The following PTPRG variants were observed in gnomAD, a reference collection of about 807,000 sequenced individuals.
The protein encoded by PTPRG is protein tyrosine phosphatase receptor type G, also known as receptor-type tyrosine-protein phosphatase gamma.
PTPRG carries 102 observed loss-of-function variants against 165.3 expected under a neutral mutation model. That is an observed-to-expected ratio of 0.62 (90% CI 0.53 to 0.73). The LOEUF is 0.73. PTPRG is among the 30% of genes least tolerant of loss of function. The probability of loss-of-function intolerance (pLI) is 0.00; values close to 1 mark genes in which losing one functional copy is unlikely to be tolerated. For synonymous variants in PTPRG, 675 were observed against 669.5 expected, an observed-to-expected ratio of 1.01 and a Z score of -0.13; for missense variants, 1,866 against 1,861.4, an observed-to-expected ratio of 1.00 and a Z score of -0.05.
chr3:62,128,908 A>C (rs957687757), intron 5 of PTPRG, among the ~76,000 whole-genome samples: 1 of 152,014 alleles, frequency 6.6e-6, no homozygotes, highest in Non-Finnish European at 1.5e-5. Flanking sequence ...GACTGGAACA[A>C]ATCCACTTAT....
At chr3:61,826,541 G>C (rs769599865) in intron 2 of PTPRG, among the ~76,000 whole-genome samples, 1 of 151,752 alleles carries the variant, frequency 6.6e-6, no homozygotes, top group Non-Finnish European at 1.5e-5. Flanking sequence ...AAAATCCGAT[G>C]TTTGTACTAT....
intron 6 of PTPRG, among the ~76,000 whole-genome samples, chr3:62,135,075 C>G (rs1459292194): frequency 1.3e-5 from 2 of 151,880 alleles, no homozygotes; most frequent in African/African-American, 4.8e-5. Flanking sequence ...GAGTTTGAGA[C>G]CAGCCTGGGC....
Position 61,673,155 on chromosome 3 carries a change from C to CT in PTPRG, c.86-75722dup, listed in dbSNP as rs61654321. 7.7e-3 allele frequency among the ~76,000 whole-genome samples: 1,178 copies of CT among 152,226 alleles called. 8 individuals carry two copies. Among genetic ancestry groups the CT allele is most frequent in the Admixed American group, 0.015 (232 of 15,290 alleles). On this transcript the variant is annotated intron_variant, in intron 1 of 29. Coordinates refer to ENST00000474889, the MANE Select transcript of PTPRG (RefSeq NM_002841.4). ...CCAGCCTAGGCAACAGAGCGATACT[C>CT]TGTCTCAAAATAAAATGGAAGAAAA...
intron 2 of PTPRG, among the ~76,000 whole-genome samples, chr3:61,813,821 T>G (rs1282282288): frequency 6.6e-6 from 1 of 151,936 alleles, no homozygotes; most frequent in Non-Finnish European, 1.5e-5. Flanking sequence ...TCCAAACATT[T>G]GTGTAGTGCT....
intron 4 of PTPRG, among the ~76,000 whole-genome samples, chr3:62,070,777 C>T (rs1701182547): frequency 1.3e-5 from 2 of 151,972 alleles, no homozygotes; most frequent in Admixed American, 6.6e-5. Flanking sequence ...GTTTACTTTG[C>T]CTTCACTTCA....
intron 1 of PTPRG, among the ~76,000 whole-genome samples, chr3:61,742,109 A>C (rs1164606582): frequency 6.6e-6 from 1 of 152,166 alleles, no homozygotes; most frequent in African/African-American, 2.4e-5. Flanking sequence ...TTAGACTGCA[A>C]ATTAACACAG....
chr3:62,041,263 T>C (rs1239484067), intron 4 of PTPRG, among the ~76,000 whole-genome samples: 1 of 152,206 alleles, frequency 6.6e-6, no homozygotes. Flanking sequence ...AGAGAAGGAT[T>C]GACTTGGAGA....
At chr3:62,025,635 G>GT (rs1216874317) in intron 4 of PTPRG, among the ~76,000 whole-genome samples, 1 of 152,016 alleles carries the variant, frequency 6.6e-6, no homozygotes, top group Non-Finnish European at 1.5e-5. Context: ...TTTTTCAAAT[G>GT]TTTTTTCCCT....
At chr3:62,109,945 C>T (rs1375821037) in intron 5 of PTPRG, among the ~76,000 whole-genome samples, 1 of 152,114 alleles carries the variant, frequency 6.6e-6, no homozygotes, top group Non-Finnish European at 1.5e-5. Flanking sequence ...CACCCTCTGG[C>T]AGTTTCTTTG....
At chr3:62,108,197 C>T (rs1319485312) in intron 5 of PTPRG, among the ~76,000 whole-genome samples, 1 of 151,766 alleles carries the variant, frequency 6.6e-6, no homozygotes, top group East Asian at 1.9e-4. Context: ...CCTCCCCCAG[C>T]CCCCCACCCC....
chr3:61,897,738 A>G (rs2038394889), intron 2 of PTPRG, among the ~76,000 whole-genome samples: 1 of 152,086 alleles, frequency 6.6e-6, no homozygotes, highest in African/African-American at 2.4e-5. Context: ...TAGGTTTTTG[A>G]TTTGTTTTCA....
At chr3:62,176,901 AG>A (rs1333040825) in intron 8 of PTPRG, among the ~76,000 whole-genome samples, 1 of 152,172 alleles carries the variant, frequency 6.6e-6, no homozygotes, top group African/African-American at 2.4e-5. Context: ...CTGAAATCCT[AG>A]GAACGATTCA....
intron 5 of PTPRG, among the ~76,000 whole-genome samples, chr3:62,117,623 C>T (rs952577105): frequency 6.6e-6 from 1 of 152,144 alleles, no homozygotes; most frequent in African/African-American, 2.4e-5. Context: ...ATTTTGAAGG[C>T]TTACTGTGGA....
intron 2 of PTPRG, among the ~76,000 whole-genome samples, chr3:61,775,983 C>T (rs62243163): frequency 6.0e-5 from 9 of 151,168 alleles, no homozygotes; most frequent in Admixed American, 1.3e-4. Context: ...TGCTAAATGA[C>T]GAGTTAATGG....
intron 4 of PTPRG, among the ~76,000 whole-genome samples, chr3:62,071,024 G>A (rs1489715651): frequency 6.6e-6 from 1 of 151,264 alleles, no homozygotes; most frequent in Non-Finnish European, 1.5e-5. Context: ...TAATTCTGCT[G>A]TTGCCTTTTT....
At chr3:61,805,190 T>C (rs1284541829) in intron 2 of PTPRG, among the ~76,000 whole-genome samples, 1 of 152,158 alleles carries the variant, frequency 6.6e-6, no homozygotes, top group Non-Finnish European at 1.5e-5. Flanking sequence ...AGAAGGGGCT[T>C]TTGGCAATGT....
intron 1 of PTPRG, among the ~76,000 whole-genome samples, chr3:61,578,802 A>C (rs1369907719): frequency 6.6e-6 from 1 of 152,216 alleles, no homozygotes; most frequent in Non-Finnish European, 1.5e-5. Flanking sequence ...ACAGCTGGGA[A>C]AACCCCATCC....
intron 4 of PTPRG, among the ~76,000 whole-genome samples, chr3:62,016,627 G>A (rs2041550445): frequency 6.6e-6 from 1 of 152,112 alleles, no homozygotes; most frequent in South Asian, 2.1e-4. Flanking sequence ...GGTCTCTCTT[G>A]CCCTTCACAA....
chr3:61,802,469 A>C (rs2035278815), intron 2 of PTPRG, among the ~76,000 whole-genome samples: 1 of 152,204 alleles, frequency 6.6e-6, no homozygotes, highest in African/African-American at 2.4e-5. Context: ...ACATTAATAC[A>C]ATGTGCTACA....
Sources: gnomAD v4.1 joint callset for allele counts (sites outside exome capture counted in the v4.1 genomes callset) on GRCh38, gnomAD v4.1.1 for gene constraint, MANE v1.5 for transcripts, NCBI Gene and HGNC (gene_info 2026-07-23, HGNC 2026-07-21) for gene names.